GTF3C6: variants seen among roughly 807,000 people sequenced by gnomAD.
GTF3C6 encodes the protein general transcription factor IIIC subunit 6.
A neutral mutation model predicts 19.2 loss-of-function variants in GTF3C6; 11 were observed. The observed-to-expected ratio is 0.57, with a 90% CI of 0.36 to 0.95. The LOEUF is 0.95. Ranked by LOEUF, GTF3C6 falls within the 40% of genes least tolerant of loss-of-function variation. GTF3C6 has a pLI of 0.01. For synonymous variants in GTF3C6, 87 were observed against 84.2 expected (o/e 1.03, Z -0.18); for missense variants, 222 against 254.7 (o/e 0.87, Z 0.87).
chr6:110,966,199 C>T (rs552953743), intron 5 of GTF3C6, among the ~76,000 whole-genome samples: 11 of 152,150 alleles, frequency 7.2e-5, no homozygotes, highest in East Asian at 1.9e-4. Context: ...CTTGGCTAGG[C>T]GTGGTGGCTC....
intron 5 of GTF3C6, among the ~76,000 whole-genome samples, chr6:110,964,100 G>A (rs1036197988): frequency 6.6e-6 from 1 of 151,592 alleles, no homozygotes; most frequent in African/African-American, 2.4e-5. Flanking sequence ...TTTGAGACAG[G>A]GTCTCACCCT....
chr6:110,963,622 C>G (rs1050719932), intron 5 of GTF3C6, among the ~76,000 whole-genome samples: 4 of 151,638 alleles, frequency 2.6e-5, no homozygotes, highest in Non-Finnish European at 5.9e-5. Flanking sequence ...CACAATAGTT[C>G]TGAATTCCCA....
At chr6:110,967,459 A>G in intron 5 of GTF3C6, 51 bp from the exon 6 acceptor site, 1 of 1,499,084 alleles carries the variant, frequency 6.7e-7, no homozygotes, top group Non-Finnish European at 9.0e-7. Context: ...AATATACTAA[A>G]ATTCATTTTT....
At chr6:110,966,575 T>C (rs879666647) in intron 5 of GTF3C6, among the ~76,000 whole-genome samples, 1 of 152,142 alleles carries the variant, frequency 6.6e-6, no homozygotes, top group African/African-American at 2.4e-5. Flanking sequence ...GTGAAGATCA[T>C]TGGGGACCAT....
At chr6:110,960,331 TTAGTTTCCTTGGTA>T in intron 2 of GTF3C6, 69 bp from the exon 3 acceptor site, 1 of 1,203,140 alleles carries the variant, frequency 8.3e-7, no homozygotes, top group East Asian at 2.4e-5. Flanking sequence ...GTTTTGGAGA[TTAGTTTCCTTGGTA>T]GCAAGGTTAC....
intron 5 of GTF3C6, among the ~76,000 whole-genome samples, chr6:110,962,877 C>G (rs2114257772): frequency 6.6e-6 from 1 of 152,314 alleles, no homozygotes; most frequent in African/African-American, 2.4e-5. Flanking sequence ...CTCCCGGGTT[C>G]AAGCGATTCT....
intron 5 of GTF3C6, among the ~76,000 whole-genome samples, chr6:110,964,823 G>A (rs1306149553): frequency 1.4e-5 from 2 of 144,872 alleles, no homozygotes; most frequent in African/African-American, 2.6e-5. Context: ...TAGTAGAGAC[G>A]GAGTTTTTTT....
chr6:110,960,761 A>C (rs1381377336), intron 4 of GTF3C6, 145 bp downstream of exon 4: 17 of 753,152 alleles, frequency 2.3e-5, no homozygotes, highest in Non-Finnish European at 3.3e-5. Flanking sequence ...TAAAAAAAAA[A>C]AATGCCAGGC....
Position 110,960,423 on chromosome 6 carries a change from A to G in GTF3C6, c.148A>G (p.Thr50Ala), listed in dbSNP as rs1771145214. 1 of 1,613,036 alleles carries G rather than the reference A, an allele frequency of 6.2e-7. No individual in the cohort carries two copies. Among genetic ancestry groups the G allele is most frequent in the African/African-American group, 1.3e-5 (1 of 74,788 alleles). ...ENKCKVLGID[T>A]ERPILQVDSC... Reference sequence around the variant, plus strand: ...CTTTATTCTGTTGTAGGGCATTGACACTGAGAGGCCCATTCTGCAAGTGGA... The same window carrying G: ...CTTTATTCTGTTGTAGGGCATTGACGCTGAGAGGCCCATTCTGCAAGTGGA... Residue 50 changes from threonine to alanine, a missense_variant, in exon 3 of 6, where the codon ACT (threonine) becomes GCT (alanine). Transcript: ENST00000329970.
At position 110,959,239 on chromosome 6, in the gene GTF3C6, A is replaced by G. The variant is rs1771126658; in HGVS notation, c.125A>G (p.Lys42Arg). The part of the protein sequence containing the change: ...DSDFLSKCEN[K>R]CKVLGIDTER... Reference sequence around the variant, plus strand: ...GACTTCCTCTCAAAATGTGAAAATAAATGCAAGGTTTTGGTGAGTTTTCTA... The same window carrying G: ...GACTTCCTCTCAAAATGTGAAAATAGATGCAAGGTTTTGGTGAGTTTTCTA... The change falls in exon 2 of 6, where the codon AAA becomes AGA. Residue 42 changes from lysine (K) to arginine (R), a missense_variant. Physicochemically the swap from Lys to Arg is conservative, Grantham distance 26 (BLOSUM62 2). Coordinates refer to ENST00000329970, the MANE Select transcript of GTF3C6 (RefSeq NM_138408.4). 6.2e-7 allele frequency: 1 copy of G among 1,608,480 alleles called. No individual in the cohort carries two copies. The highest frequency in any genetic ancestry group is 8.5e-7 in the Non-Finnish European group (1 of 1,175,144).
intron 5 of GTF3C6, among the ~76,000 whole-genome samples, chr6:110,967,116 T>C (rs2114261993): frequency 6.6e-6 from 1 of 152,064 alleles, no homozygotes; most frequent in East Asian, 1.9e-4. Context: ...TCGTACCCAC[T>C]GCACTCCAGC....
At chr6:110,962,233 A>G (rs765427290) in intron 4 of GTF3C6, among the ~76,000 whole-genome samples, 159 bp from the exon 5 acceptor site, 1 of 152,032 alleles carries the variant, frequency 6.6e-6, no homozygotes, top group African/African-American at 2.4e-5. Flanking sequence ...TCATTTTTCT[A>G]TGCTTGGAGC....
chr6:110,964,039 A>G (rs1771197308), intron 5 of GTF3C6, among the ~76,000 whole-genome samples: 1 of 151,958 alleles, frequency 6.6e-6, no homozygotes, highest in East Asian at 1.9e-4. Flanking sequence ...CTGTAGGACC[A>G]CAGTTGTTAG....
At position 110,958,787 on chromosome 6, in the gene GTF3C6, C is replaced by T. The variant is rs556597393; in HGVS notation, c.18C>T (p.Asp6=). 3.2e-6 allele frequency: 5 copies of T among 1,550,970 alleles called. No individual in the cohort carries two copies. The South Asian group carries it at 6.0e-5, about 18-fold the overall frequency. The part of the protein sequence containing the change: MAAAA[D]ERSPEDGEDE... ...GCGGGACCATGGCGGCGGCGGCGGA[C>T]GAGCGGAGTCCAGAGGACGGAGAAG... Residue 6 remains aspartate (D), a synonymous_variant, in exon 1 of 6, where the codon GAC becomes GAT. Coordinates refer to ENST00000329970, the MANE Select transcript of GTF3C6 (RefSeq NM_138408.4).
intron 5 of GTF3C6, among the ~76,000 whole-genome samples, chr6:110,965,999 T>A (rs1583248742): frequency 6.6e-6 from 1 of 152,210 alleles, no homozygotes; most frequent in African/African-American, 2.4e-5. Flanking sequence ...GTAAAATGGC[T>A]TATTCATATG....
At chr6:110,961,536 T>G (rs1583246836) in intron 4 of GTF3C6, among the ~76,000 whole-genome samples, 2 of 152,328 alleles carry the variant, frequency 1.3e-5, no homozygotes, top group South Asian at 4.1e-4. Flanking sequence ...TAGCAATGTA[T>G]GGAAGTGTCT....
At chr6:110,966,379 A>G (rs1771229670) in intron 5 of GTF3C6, among the ~76,000 whole-genome samples, 1 of 152,114 alleles carries the variant, frequency 6.6e-6, no homozygotes. Context: ...CGGGAGGCTG[A>G]GGTGGGAGAA....
chr6:110,964,428 AGAGACAG>A (rs1380668515), intron 5 of GTF3C6, among the ~76,000 whole-genome samples: 1 of 151,628 alleles, frequency 6.6e-6, no homozygotes, highest in Non-Finnish European at 1.5e-5. Context: ...TATTTTTAGT[AGAGACAG>A]GGTTTCACCA....
In GTF3C6 at chr6:110,967,814, T is replaced by C. The variant is rs1771250292; in HGVS notation, c.*24T>C. 3 of 1,562,106 alleles carry C rather than the reference T, an allele frequency of 1.9e-6. No homozygotes were observed. Among genetic ancestry groups the C allele is most frequent in the East Asian group, 2.3e-5 (1 of 44,326 alleles). Reference sequence around the variant, plus strand: ...AGAAATCACTCCTAGATGAAATGTTTCTCATAATAACTTGTCAAGAACTTT... The same window carrying C: ...AGAAATCACTCCTAGATGAAATGTTCCTCATAATAACTTGTCAAGAACTTT... On this transcript the variant is annotated 3_prime_UTR_variant, in exon 6 of 6. Coordinates refer to ENST00000329970, the MANE Select transcript of GTF3C6 (RefSeq NM_138408.4).
Sources: allele counts gnomAD v4.1 joint callset (sites outside exome capture counted in the v4.1 genomes callset), GRCh38; gene constraint gnomAD v4.1.1; transcripts MANE v1.5; gene names NCBI Gene and HGNC (gene_info 2026-07-23, HGNC 2026-07-21).